Variants in CSMD1 observed in about 807,000 individuals in gnomAD.
CSMD1 encodes the protein CUB and Sushi multiple domains 1.
Under a neutral mutation model 417.5 loss-of-function variants are expected in CSMD1, and 213 were observed. The ratio of observed to expected loss-of-function variants is 0.51; its 90% confidence interval spans 0.46 to 0.57. The LOEUF (loss-of-function observed/expected upper bound fraction) is 0.57. Ranked by LOEUF, CSMD1 falls within the 20% of genes least tolerant of loss-of-function variation. The pLI is 0.00. For synonymous variants in CSMD1, 2,862 were observed against 1,736.8 expected (o/e 1.65, Z -16.11); for missense variants, 6,923 against 4,529.7 (o/e 1.53, Z -15.17).
At chr8:3,026,144 G>A (rs1230729828) in intron 51 of CSMD1, among the ~76,000 whole-genome samples, 1 of 152,118 alleles carries the variant, frequency 6.6e-6, no homozygotes, top group Non-Finnish European at 1.5e-5. Flanking sequence ...CCCTTATCAG[G>A]AACTAAGTCC....
intron 3 of CSMD1, among the ~76,000 whole-genome samples, chr8:4,248,380 G>C (rs529971393): frequency 1.3e-5 from 2 of 152,122 alleles, no homozygotes; most frequent in Admixed American, 6.5e-5. Flanking sequence ...GTGAGTGCTG[G>C]TTTGCTGGTG....
At chr8:3,209,258 AT>A (rs1444154155) in intron 30 of CSMD1, among the ~76,000 whole-genome samples, 3 of 151,366 alleles carry the variant, frequency 2.0e-5, no homozygotes, top group African/African-American at 7.3e-5. Flanking sequence ...TGTTAGAAAA[AT>A]ATGGATAGAA....
At chr8:4,399,396 C>G (rs1019114288) in intron 3 of CSMD1, among the ~76,000 whole-genome samples, 10 of 152,094 alleles carry the variant, frequency 6.6e-5, no homozygotes, top group Admixed American at 5.2e-4. Flanking sequence ...CAAACATAGG[C>G]AAGGGCTAAA....
At chr8:4,294,612 C>T (rs1370612315) in intron 3 of CSMD1, among the ~76,000 whole-genome samples, 2 of 152,088 alleles carry the variant, frequency 1.3e-5, no homozygotes, top group Non-Finnish European at 2.9e-5. Context: ...ACTACAGACC[C>T]TGAACATTCC....
intron 26 of CSMD1, among the ~76,000 whole-genome samples, chr8:3,238,903 C>T (rs928533116): frequency 6.6e-6 from 1 of 151,998 alleles, no homozygotes; most frequent in Non-Finnish European, 1.5e-5. Flanking sequence ...TAATCAAGAG[C>T]AGGGCATGTA....
At chr8:4,477,383 G>T (rs17070377) in intron 2 of CSMD1, among the ~76,000 whole-genome samples, 4 of 152,168 alleles carry the variant, frequency 2.6e-5, no homozygotes, top group African/African-American at 9.7e-5. Context: ...CATCGGCAAC[G>T]CCTCGATCAG....
At chr8:2,987,102 A>C (rs891624001) in intron 54 of CSMD1, among the ~76,000 whole-genome samples, 1 of 152,120 alleles carries the variant, frequency 6.6e-6, no homozygotes, top group Admixed American at 6.5e-5. Context: ...TATTATTTCC[A>C]GGCTTTGGAT....
chr8:3,495,412 A>AG (rs1796324842), intron 10 of CSMD1, among the ~76,000 whole-genome samples: 1 of 152,078 alleles, frequency 6.6e-6, no homozygotes, highest in East Asian at 1.9e-4. Flanking sequence ...GTGTACAGAT[A>AG]GGGGTCACAC....
chr8:4,923,326 G>C (rs1288165277), intron 1 of CSMD1, among the ~76,000 whole-genome samples: 1 of 152,052 alleles, frequency 6.6e-6, no homozygotes, highest in Non-Finnish European at 1.5e-5. Context: ...GTATTGGTTA[G>C]GAGCATGAAC....
chr8:4,615,220 G>C (rs1035263845), intron 2 of CSMD1, among the ~76,000 whole-genome samples: 18 of 152,274 alleles, frequency 1.2e-4, no homozygotes, highest in African/African-American at 4.1e-4. Flanking sequence ...AAATACGTGT[G>C]TGTACCCATG....
At chr8:4,869,766 C>T (rs983313065) in intron 1 of CSMD1, among the ~76,000 whole-genome samples, 4 of 151,976 alleles carry the variant, frequency 2.6e-5, no homozygotes, top group Admixed American at 6.6e-5. Flanking sequence ...CAAAAGCAAA[C>T]ACATTCTACT....
intron 37 of CSMD1, among the ~76,000 whole-genome samples, chr8:3,167,554 A>T (rs1361281477): frequency 6.6e-6 from 1 of 152,228 alleles, no homozygotes; most frequent in Non-Finnish European, 1.5e-5. Context: ...TTATCCACTG[A>T]TACATTTTGT....
chr8:3,955,288 C>A (rs66531571), intron 5 of CSMD1, among the ~76,000 whole-genome samples: 7 of 152,074 alleles, frequency 4.6e-5, no homozygotes, highest in African/African-American at 9.7e-5. Flanking sequence ...CATGCAGTGT[C>A]AACACCAAAC....
At position 3,801,032 on chromosome 8, in the gene CSMD1, G is replaced by T. The variant is rs182684756; in HGVS notation, c.819-46990C>A. 1.1e-4 allele frequency among the ~76,000 whole-genome samples: 17 copies of T among 151,932 alleles called. No homozygotes were observed. The South Asian group carries it at 3.5e-3, about 32-fold the overall frequency. On this transcript the variant is annotated intron_variant, in intron 5 of 69. Transcript: ENST00000635120. ...AAAAATATTTGAAAAAAGCAAAAGA[G>T]TAAATCTTTATAACCGTGGTTGAGG...
intron 5 of CSMD1, among the ~76,000 whole-genome samples, chr8:3,990,894 C>G (rs1814692050): frequency 6.6e-6 from 1 of 152,122 alleles, no homozygotes; most frequent in South Asian, 2.1e-4. Context: ...CCTGGAGGTC[C>G]ATTCTGACGT....
intron 12 of CSMD1, among the ~76,000 whole-genome samples, chr8:3,448,982 C>G (rs1308476440): frequency 1.3e-5 from 2 of 152,122 alleles, no homozygotes; most frequent in African/African-American, 4.8e-5. Flanking sequence ...TGGATGTAAA[C>G]AATCACATAT....
At chr8:4,755,074 G>C (rs905762587) in intron 1 of CSMD1, among the ~76,000 whole-genome samples, 2 of 152,166 alleles carry the variant, frequency 1.3e-5, no homozygotes, top group African/African-American at 2.4e-5. Flanking sequence ...GGAGGCGGAA[G>C]TTGCAGTGAG....
intron 54 of CSMD1, among the ~76,000 whole-genome samples, chr8:2,992,970 T>C (rs1806529883): frequency 6.6e-6 from 1 of 152,016 alleles, no homozygotes; most frequent in Non-Finnish European, 1.5e-5. Context: ...TGGACTCAAG[T>C]GATCTCCCTG....
chr8:3,495,801 T>C (rs1368706262), intron 10 of CSMD1, among the ~76,000 whole-genome samples: 20 of 152,126 alleles, frequency 1.3e-4, no homozygotes, highest in Admixed American at 1.3e-3. Flanking sequence ...TGAGCCAAAA[T>C]GGTTTTAGTT....
Sources: gnomAD v4.1 joint callset for allele counts (sites outside exome capture counted in the v4.1 genomes callset) on GRCh38, gnomAD v4.1.1 for gene constraint, MANE v1.5 for transcripts, NCBI Gene and HGNC (gene_info 2026-07-23, HGNC 2026-07-21) for gene names.